Variants in CDH7 observed in about 807,000 individuals in gnomAD.
CDH7 encodes cadherin 7.
A neutral mutation model predicts 71.8 loss-of-function variants in CDH7; 25 were observed. The observed-to-expected ratio is 0.35, with a 90% CI of 0.25 to 0.49. The LOEUF (loss-of-function observed/expected upper bound fraction) is 0.49, where lower values mean the gene tolerates loss of function less well. Ranked by LOEUF, CDH7 falls within the 20% of genes least tolerant of loss-of-function variation. The pLI is 0.99. For synonymous variants in CDH7, 381 were observed against 363.8 expected (o/e 1.05, Z -0.54); for missense variants, 862 against 974.6 (o/e 0.88, Z 1.54).
chr18:65,818,945 C>T (rs1255743016), intron 4 of CDH7, among the ~76,000 whole-genome samples: 2 of 152,066 alleles, frequency 1.3e-5, no homozygotes, highest in Non-Finnish European at 2.9e-5. Context: ...CATTCATGGT[C>T]CTTATGAGGT....
intron 2 of CDH7, among the ~76,000 whole-genome samples, chr18:65,798,902 G>A (rs752367763): frequency 2.7e-4 from 41 of 152,200 alleles, no homozygotes; most frequent in South Asian, 1.2e-3. Flanking sequence ...GGAGGCTTTC[G>A]TGACGTGCCC....
At chr18:65,791,009 C>T (rs959253558) in intron 2 of CDH7, among the ~76,000 whole-genome samples, 3 of 152,134 alleles carry the variant, frequency 2.0e-5, no homozygotes, top group Admixed American at 6.5e-5. Context: ...AAAACAATCT[C>T]GTTACTTACA....
intron 7 of CDH7, 136 bp from the exon 8 acceptor site, chr18:65,857,679 GC>G (rs1913413504): frequency 9.0e-6 from 7 of 779,338 alleles, no homozygotes; most frequent in Non-Finnish European, 1.4e-5. Flanking sequence ...AACCAGGCAT[GC>G]ATTTATGTGA....
At chr18:65,854,893 T>C (rs1454848704) in intron 7 of CDH7, among the ~76,000 whole-genome samples, 1 of 151,332 alleles carries the variant, frequency 6.6e-6, no homozygotes, top group African/African-American at 2.4e-5. Flanking sequence ...TTCATACATA[T>C]ACGTATGTAT....
chr18:65,826,170 T>C (rs1912122267), intron 6 of CDH7, among the ~76,000 whole-genome samples: 1 of 151,412 alleles, frequency 6.6e-6, no homozygotes, highest in Non-Finnish European at 1.5e-5. Context: ...CAAAAAAACC[T>C]AGATTAAAAA....
intron 1 of CDH7, among the ~76,000 whole-genome samples, chr18:65,760,424 T>C (rs952191622): frequency 1.1e-4 from 16 of 152,328 alleles, no homozygotes; most frequent in Non-Finnish European, 2.2e-4. Flanking sequence ...AAAGCTCATT[T>C]GCTATTTAGG....
At chr18:65,782,165 C>CTTTCTTTCTTTCTTCCTTT (rs1568182737) in intron 2 of CDH7, among the ~76,000 whole-genome samples, 4 of 25,508 alleles carry the variant, frequency 1.6e-4, no homozygotes, top group Non-Finnish European at 2.3e-4. Flanking sequence ...TTTCTTTCTT[C>CTTTCTTTCTTTCTTCCTTT]CTTTCTTTCT....
chr18:65,845,337 T>C (rs1400888927), intron 7 of CDH7, among the ~76,000 whole-genome samples: 2 of 151,914 alleles, frequency 1.3e-5, no homozygotes, highest in Admixed American at 6.6e-5. Context: ...GTATTGATGA[T>C]TATACTGTTT....
chr18:65,865,379 T>A (rs1913721887), intron 11 of CDH7: 1 of 152,216 alleles, frequency 6.6e-6, no homozygotes, highest in African/African-American at 2.4e-5. Flanking sequence ...GGCTACTCTT[T>A]CTGCTAAATT....
intron 7 of CDH7, among the ~76,000 whole-genome samples, chr18:65,845,182 T>G: frequency 6.6e-6 from 1 of 151,686 alleles, no homozygotes; most frequent in Middle Eastern, 3.5e-3. Flanking sequence ...TATATATACA[T>G]ACATATATGT....
At chr18:65,761,339 A>G (rs1916185938) in intron 1 of CDH7, among the ~76,000 whole-genome samples, 1 of 137,338 alleles carries the variant, frequency 7.3e-6, no homozygotes, top group Non-Finnish European at 1.5e-5. Context: ...TTTGTTTCAC[A>G]TTTCTTTTAC....
intron 11 of CDH7, among the ~76,000 whole-genome samples, chr18:65,876,405 A>G (rs17075405): frequency 0.024 from 3,646 of 152,148 alleles, 135 homozygotes; most frequent in African/African-American, 0.082. Flanking sequence ...TTTTGAAACA[A>G]TCTGATTATA....
intron 11 of CDH7, among the ~76,000 whole-genome samples, chr18:65,879,798 A>T (rs1304313247): frequency 1.3e-5 from 2 of 152,198 alleles, no homozygotes; most frequent in East Asian, 3.9e-4. Context: ...GTCTGTAGGT[A>T]TAATGGATAA....
intron 3 of CDH7, among the ~76,000 whole-genome samples, chr18:65,813,841 A>G (rs1225057204): frequency 1.3e-5 from 2 of 152,204 alleles, no homozygotes; most frequent in Admixed American, 6.5e-5. Context: ...AAAACTATTG[A>G]TGCAATTTTT....
intron 10 of CDH7, among the ~76,000 whole-genome samples, chr18:65,862,197 A>G (rs914830176): frequency 6.6e-6 from 1 of 152,008 alleles, no homozygotes; most frequent in African/African-American, 2.4e-5. Context: ...AATAAAGCTA[A>G]AGTAGCTGAT....
chr18:65,804,161 T>A (rs182818486), intron 2 of CDH7, among the ~76,000 whole-genome samples: 1 of 152,256 alleles, frequency 6.6e-6, no homozygotes, highest in East Asian at 1.9e-4. Context: ...TTTTGTGGCA[T>A]GAAAATTTAG....
intron 7 of CDH7, among the ~76,000 whole-genome samples, chr18:65,854,513 A>AT (rs1913278964): frequency 1.0e-5 from 1 of 99,840 alleles, no homozygotes; most frequent in South Asian, 4.1e-4. Context: ...TCTCAACTTT[A>AT]ATTTTTTTTA....
chr18:65,805,180 A>G (rs1193085423), intron 2 of CDH7, among the ~76,000 whole-genome samples: 3 of 152,238 alleles, frequency 2.0e-5, no homozygotes, highest in Non-Finnish European at 2.9e-5. Flanking sequence ...GATTTTCAAT[A>G]TAAAGCAGAA....
chr18:65,832,292 A>G (rs1166251647), intron 6 of CDH7, among the ~76,000 whole-genome samples: 1 of 152,104 alleles, frequency 6.6e-6, no homozygotes, highest in East Asian at 1.9e-4. Context: ...TGAATGTATT[A>G]TACTTGGCAT....
Sources: allele counts gnomAD v4.1 joint callset (sites outside exome capture counted in the v4.1 genomes callset), GRCh38; gene constraint gnomAD v4.1.1; transcripts MANE v1.5; gene names NCBI Gene and HGNC (gene_info 2026-07-23, HGNC 2026-07-21).